HSDL2: variants seen among roughly 807,000 people sequenced by gnomAD.
The protein encoded by HSDL2 is hydroxysteroid dehydrogenase like 2, also known as hydroxysteroid dehydrogenase-like protein 2.
HSDL2 carries 27 observed loss-of-function variants against 46.3 expected under a neutral mutation model. The ratio of observed to expected loss-of-function variants is 0.58; its 90% CI spans 0.43 to 0.80. The LOEUF (loss-of-function observed/expected upper bound fraction) is 0.80. Among genes scored for constraint, HSDL2 ranks in the 30% least tolerant of loss-of-function variants. The probability of loss-of-function intolerance (pLI) is 0.00; values close to 1 mark genes in which losing one functional copy is unlikely to be tolerated. For missense variants in HSDL2, 451 were observed against 502.7 expected (o/e 0.90, Z 0.98); for synonymous variants, 153 against 163.6 (o/e 0.94, Z 0.50).
chr9:112,409,211 T>C (rs1831804563), intron 4 of HSDL2, among the ~76,000 whole-genome samples, 190 bp downstream of exon 4: 1 of 152,152 alleles, frequency 6.6e-6, no homozygotes, highest in Non-Finnish European at 1.5e-5. Context: ...TTTTTTGAGA[T>C]GGAGTTTCAT....
intron 4 of HSDL2, among the ~76,000 whole-genome samples, chr9:112,411,452 A>C (rs1831864065): frequency 6.6e-6 from 1 of 152,252 alleles, no homozygotes; most frequent in African/African-American, 2.4e-5. Flanking sequence ...ATGCAGGCAG[A>C]TCACCTGAGG....
intron 1 of HSDL2, among the ~76,000 whole-genome samples, chr9:112,403,110 C>G (rs1831646085): frequency 6.6e-6 from 1 of 152,204 alleles, no homozygotes; most frequent in Non-Finnish European, 1.5e-5. Context: ...TTCACGTACC[C>G]CACTATGCAG....
chr9:112,382,002 C>T (rs1333562728), intron 1 of HSDL2, among the ~76,000 whole-genome samples: 2 of 152,170 alleles, frequency 1.3e-5, no homozygotes, highest in Admixed American at 6.5e-5. Flanking sequence ...CTTTGGGAGG[C>T]CGAGGCGGGC....
intron 1 of HSDL2, among the ~76,000 whole-genome samples, chr9:112,397,650 A>T (rs746869649): frequency 8.5e-5 from 13 of 152,100 alleles, no homozygotes; most frequent in Non-Finnish European, 1.6e-4. Context: ...AGCCTGAGTA[A>T]TTGGAATGCC....
At chr9:112,411,700 G>A (rs557828027) in intron 4 of HSDL2, among the ~76,000 whole-genome samples, 1 of 152,160 alleles carries the variant, frequency 6.6e-6, no homozygotes, top group South Asian at 2.1e-4. Flanking sequence ...ATTATGGCAA[G>A]CATATAGATT....
rs1832576805 is a variant in HSDL2, at chr9:112,438,523, A to G, written c.691A>G (p.Ile231Val). The G allele has an allele frequency of 3.7e-6, 6 of 1,612,962 alleles. No individual in the cohort carries two copies. Among genetic ancestry groups the G allele is most frequent in the Non-Finnish European group, 4.2e-6 (5 of 1,179,576 alleles). ...VDIIADAAYS[I>V]FQKPKSFTGN... ...TATCATTGCAGATGCAGCATATTCC[A>G]TTTTCCAAAAGCCAAAAAGTTTTAC... The change falls in exon 7 of 11, where the codon ATT becomes GTT. Residue 231 changes from isoleucine (I) to valine (V), a missense_variant. Transcript: ENST00000398805.
chr9:112,452,182 A>G (rs906385873), intron 8 of HSDL2, among the ~76,000 whole-genome samples: 1 of 152,246 alleles, frequency 6.6e-6, no homozygotes, highest in Non-Finnish European at 1.5e-5. Context: ...AAACATCATA[A>G]TGAAAGGCAA....
At chr9:112,395,032 T>C (rs936774030) in intron 1 of HSDL2, among the ~76,000 whole-genome samples, 6 of 152,198 alleles carry the variant, frequency 3.9e-5, no homozygotes, top group African/African-American at 1.4e-4. Flanking sequence ...AGGAGAATTA[T>C]TAAATAAAAC....
chr9:112,389,855 A>C (rs1312089914), intron 1 of HSDL2, among the ~76,000 whole-genome samples: 1 of 152,162 alleles, frequency 6.6e-6, no homozygotes, highest in Non-Finnish European at 1.5e-5. Flanking sequence ...ACTTGAGCTC[A>C]GGTATTCCAG....
At position 112,395,053 on chromosome 9, in the gene HSDL2, C is replaced by T. The variant is rs559383433; in HGVS notation, c.18-8942C>T. ...ATTATTAAATAAAACCTACTGTAAG[C>T]GAGATCCAGTGCTGGAGGAGGAAGA... On this transcript the variant is annotated intron_variant, in intron 1 of 10. Coordinates refer to ENST00000398805, the MANE Select transcript of HSDL2 (RefSeq NM_032303.5). Among the ~76,000 whole-genome samples, 8 of 152,154 alleles carry T rather than the reference C, an allele frequency of 5.3e-5. No individual in the cohort carries two copies. In the South Asian group the frequency reaches 1.2e-3, roughly 24 times the overall value.
intron 4 of HSDL2, among the ~76,000 whole-genome samples, chr9:112,415,018 C>T (rs1054189440): frequency 1.3e-4 from 19 of 151,054 alleles, no homozygotes; most frequent in African/African-American, 4.4e-4. Flanking sequence ...TGAATGTAAA[C>T]GAAAGCTAAA....
chr9:112,410,224 C>A (rs1292165088), intron 4 of HSDL2, among the ~76,000 whole-genome samples: 1 of 152,174 alleles, frequency 6.6e-6, no homozygotes, highest in Non-Finnish European at 1.5e-5. Context: ...ATTTATTTAT[C>A]TGTTTATTTA....
intron 10 of HSDL2, among the ~76,000 whole-genome samples, chr9:112,466,856 G>A (rs952193637): frequency 6.6e-6 from 1 of 152,112 alleles, no homozygotes; most frequent in African/African-American, 2.4e-5. Context: ...TTTTGTAGAT[G>A]GTAGGAGAGT....
intron 8 of HSDL2, among the ~76,000 whole-genome samples, chr9:112,449,818 G>T (rs1254517903): frequency 6.6e-6 from 1 of 151,826 alleles, no homozygotes; most frequent in African/African-American, 2.4e-5. Context: ...GGGTGACAGA[G>T]TGGAACTCAG....
chr9:112,441,652 C>A, intron 7 of HSDL2, 47 bp from the exon 8 acceptor site: 1 of 1,215,716 alleles, frequency 8.2e-7, no homozygotes, highest in Non-Finnish European at 1.2e-6. Flanking sequence ...TAAAATCTTA[C>A]TATGTTGTAG....
intron 1 of HSDL2, among the ~76,000 whole-genome samples, chr9:112,390,143 A>C (rs892393137): frequency 6.6e-6 from 1 of 151,890 alleles, no homozygotes; most frequent in African/African-American, 2.4e-5. Flanking sequence ...TAAAGGTCCA[A>C]ATATAGACAA....
chr9:112,406,241 G>A (rs1001013495), intron 3 of HSDL2, among the ~76,000 whole-genome samples: 4 of 151,996 alleles, frequency 2.6e-5, no homozygotes, highest in Admixed American at 2.0e-4. Context: ...TGCAAGGGGG[G>A]TAGATGAAGA....
chr9:112,427,027 A>G (rs1564119354), intron 6 of HSDL2, among the ~76,000 whole-genome samples: 1 of 151,892 alleles, frequency 6.6e-6, no homozygotes, highest in Non-Finnish European at 1.5e-5. Context: ...TCACCAGATT[A>G]TTATTATATT....
Position 112,411,367 on chromosome 9 carries a change from C to A in HSDL2, c.395+2346C>A, listed in dbSNP as rs191443509. On this transcript the variant is annotated intron_variant, in intron 4 of 10. Coordinates refer to ENST00000398805, the MANE Select transcript of HSDL2 (RefSeq NM_032303.5). ...CTATTGAATGAAACCATATTGAATC[C>A]AACTGTAGTAAGAATTATGGCAAAT... is the stretch of plus-strand genomic sequence containing the variant. Among the ~76,000 whole-genome samples the A allele has an allele frequency of 1.7e-3, 261 of 152,194 alleles. 1 individual carries two copies. Among genetic ancestry groups the A allele is most frequent in the Non-Finnish European group, 2.9e-3 (195 of 68,010 alleles).
Sources: gnomAD v4.1 joint callset for allele counts (sites outside exome capture counted in the v4.1 genomes callset) on GRCh38, gnomAD v4.1.1 for gene constraint, MANE v1.5 for transcripts, NCBI Gene and HGNC (gene_info 2026-07-23, HGNC 2026-07-21) for gene names.